The following MNAT1 variants were observed in gnomAD, a reference collection of about 807,000 sequenced individuals.
MNAT1 encodes MNAT1 component of CDK activating kinase, also known as CDK-activating kinase assembly factor MAT1.
A neutral mutation model predicts 42.0 loss-of-function variants in MNAT1; 43 were observed. The observed-to-expected ratio is 1.02, with a 90% CI of 0.80 to 1.32. The LOEUF (loss-of-function observed/expected upper bound fraction) is 1.32, where lower values mean the gene tolerates loss of function less well. MNAT1 is among the 40% of genes most tolerant of loss of function. The pLI, the probability that MNAT1 is intolerant of heterozygous loss-of-function variation, is 0.00. For synonymous variants in MNAT1, 118 were observed against 120.0 expected, an observed-to-expected ratio of 0.98 and a Z score of 0.11; for missense variants, 306 against 350.4, an observed-to-expected ratio of 0.87 and a Z score of 1.01.
intron 6 of MNAT1, among the ~76,000 whole-genome samples, chr14:60,858,175 A>G (rs4899023): frequency 0.92 from 139,975 of 152,250 alleles, 64,968 homozygotes; most frequent in Non-Finnish European, 0.99. Context: ...GGTTAAACTA[A>G]TTTACACTCC....
chr14:60,848,351 TTC>T (rs2033732042), intron 6 of MNAT1, among the ~76,000 whole-genome samples: 1 of 152,202 alleles, frequency 6.6e-6, no homozygotes. Context: ...GTGTTCATCT[TTC>T]TGTATTTTTA....
chr14:60,828,946 G>A (rs547034415), intron 6 of MNAT1, among the ~76,000 whole-genome samples: 14 of 152,232 alleles, frequency 9.2e-5, no homozygotes, highest in African/African-American at 1.4e-4. Context: ...ATGCCCTCTC[G>A]GGGTGGGCTA....
intron 7 of MNAT1, among the ~76,000 whole-genome samples, chr14:60,888,602 A>G (rs906878536): frequency 1.3e-5 from 2 of 151,346 alleles, no homozygotes; most frequent in Non-Finnish European, 2.9e-5. Flanking sequence ...GGCCAGGGCA[A>G]TCAGGCAGGA....
chr14:60,804,289 A>G (rs2032299043), intron 3 of MNAT1, among the ~76,000 whole-genome samples: 1 of 152,288 alleles, frequency 6.6e-6, no homozygotes, highest in East Asian at 1.9e-4. Context: ...CTTTTTCTTC[A>G]CGGCTATTGT....
chr14:60,787,884 A>G (rs947927052), intron 1 of MNAT1, among the ~76,000 whole-genome samples: 3 of 152,070 alleles, frequency 2.0e-5, no homozygotes, highest in Non-Finnish European at 2.9e-5. Context: ...TATTTTCTCC[A>G]CTGAAGTCAG....
intron 7 of MNAT1, among the ~76,000 whole-genome samples, chr14:60,914,574 C>G (rs1383854394): frequency 6.6e-6 from 1 of 151,160 alleles, no homozygotes; most frequent in Non-Finnish European, 1.5e-5. Flanking sequence ...AAAATCTGTT[C>G]TGGCTGTCTA....
intron 6 of MNAT1, among the ~76,000 whole-genome samples, chr14:60,849,913 T>C (rs1410911876): frequency 7.9e-5 from 12 of 152,106 alleles, no homozygotes; most frequent in Admixed American, 7.9e-4. Flanking sequence ...CTCAGCTCAC[T>C]GCAACCTCCC....
intron 7 of MNAT1, among the ~76,000 whole-genome samples, chr14:60,920,403 A>G (rs1268438253): frequency 6.6e-6 from 1 of 151,458 alleles, no homozygotes. Context: ...TTTCCTTTCC[A>G]TTATGGATTG....
Position 60,921,529 on chromosome 14 carries a change from C to T in MNAT1, c.809+41694C>T, listed in dbSNP as rs969519759. On this transcript the variant is annotated intron_variant, in intron 7 of 7. Coordinates refer to ENST00000261245, the MANE Select transcript of MNAT1 (RefSeq NM_002431.4). ...TTTTTCTTGGCACTTTATTAAATGT[C>T]ACCTCTCTTCCTCCTGCTTTGGAGT... 7.9e-5 allele frequency among the ~76,000 whole-genome samples: 12 copies of T among 152,208 alleles called. 1 individual carries two copies. In the Middle Eastern group the frequency reaches 0.02, roughly 259 times the overall value.
chr14:60,861,000 AAAT>A (rs2034082433), intron 6 of MNAT1, among the ~76,000 whole-genome samples: 1 of 152,234 alleles, frequency 6.6e-6, no homozygotes, highest in African/African-American at 2.4e-5. Flanking sequence ...GGCATTTAAA[AAAT>A]ACCACCAGTG....
At chr14:60,860,619 T>C (rs1374539981) in intron 6 of MNAT1, among the ~76,000 whole-genome samples, 1 of 152,124 alleles carries the variant, frequency 6.6e-6, no homozygotes, top group Non-Finnish European at 1.5e-5. Flanking sequence ...TCCAAAGTGC[T>C]GGGATTACAG....
intron 1 of MNAT1, among the ~76,000 whole-genome samples, chr14:60,790,392 A>G (rs2031780870): frequency 6.6e-6 from 1 of 152,064 alleles, no homozygotes; most frequent in Admixed American, 6.6e-5. Flanking sequence ...TGTTTATGTA[A>G]AAATGCAGAT....
chr14:60,928,279 A>G (rs2035806740), intron 7 of MNAT1, among the ~76,000 whole-genome samples: 1 of 152,140 alleles, frequency 6.6e-6, no homozygotes, highest in African/African-American at 2.4e-5. Context: ...CAGTTGATGG[A>G]CTTTTTGATT....
intron 1 of MNAT1, among the ~76,000 whole-genome samples, chr14:60,756,023 G>C (rs924497205): frequency 6.6e-6 from 1 of 152,192 alleles, no homozygotes; most frequent in African/African-American, 2.4e-5. Flanking sequence ...CACATGATGT[G>C]ATGCCATTGT....
chr14:60,763,558 A>C (rs4151164), intron 1 of MNAT1, among the ~76,000 whole-genome samples: 1 of 152,158 alleles, frequency 6.6e-6, no homozygotes, highest in Admixed American at 6.5e-5. Context: ...AGAGACCTTA[A>C]TGTTCTTTCA....
intron 7 of MNAT1, among the ~76,000 whole-genome samples, chr14:60,958,162 G>T (rs935785827): frequency 6.6e-6 from 1 of 152,162 alleles, no homozygotes; most frequent in Non-Finnish European, 1.5e-5. Context: ...CTAAGTAGTG[G>T]CCTTTTGTTA....
intron 6 of MNAT1, among the ~76,000 whole-genome samples, chr14:60,877,382 G>T (rs1355392059): frequency 1.3e-5 from 2 of 152,058 alleles, no homozygotes; most frequent in African/African-American, 4.8e-5. Context: ...GTTGAAGAGA[G>T]AAACTGTAAT....
At chr14:60,778,601 C>T (rs1356252423) in intron 1 of MNAT1, among the ~76,000 whole-genome samples, 2 of 152,200 alleles carry the variant, frequency 1.3e-5, no homozygotes, top group Non-Finnish European at 2.9e-5. Flanking sequence ...AATACGGGAT[C>T]TTGAGTAATA....
intron 7 of MNAT1, among the ~76,000 whole-genome samples, chr14:60,914,682 C>T (rs193141414): frequency 6.6e-6 from 1 of 152,172 alleles, no homozygotes; most frequent in East Asian, 1.9e-4. Context: ...TTAATTTAGT[C>T]ATAAAAAATT....
Sources: allele counts gnomAD v4.1 joint callset (sites outside exome capture counted in the v4.1 genomes callset), GRCh38; gene constraint gnomAD v4.1.1; transcripts MANE v1.5; gene names NCBI Gene and HGNC (gene_info 2026-07-23, HGNC 2026-07-21).